The following FILIP1 variants were observed in gnomAD, a reference collection of about 807,000 sequenced individuals.
FILIP1 encodes filamin A interacting protein 1, also known as filamin-A-interacting protein 1.
In FILIP1, 61 loss-of-function variants were observed where a neutral mutation model predicts 102.1. That is an observed-to-expected ratio of 0.60 (90% confidence interval 0.49 to 0.74). FILIP1 has a LOEUF of 0.74. Ranked by LOEUF, FILIP1 falls within the 30% of genes least tolerant of loss-of-function variation. The probability of loss-of-function intolerance (pLI) is 0.00; values close to 1 mark genes in which losing one functional copy is unlikely to be tolerated. For synonymous variants in FILIP1, 491 were observed against 526.9 expected (o/e 0.93, Z 0.93); for missense variants, 1,314 against 1,441.2 (o/e 0.91, Z 1.43).
exon 7 of FILIP1, chr6:75,293,530 A>G (rs935257250): frequency 1.3e-5 from 2 of 152,168 alleles, no homozygotes; most frequent in Non-Finnish European, 2.9e-5. Context: ...TAATCATAGC[A>G]TGGACAGAAA....
chr6:75,358,882 C>G (rs1051693153), intron 3 of FILIP1, among the ~76,000 whole-genome samples: 1 of 151,898 alleles, frequency 6.6e-6, no homozygotes, highest in Non-Finnish European at 1.5e-5. Context: ...ACCACCACTC[C>G]TGGCTAATTT....
At chr6:75,320,576 C>CA (rs935665253) in intron 4 of FILIP1, among the ~76,000 whole-genome samples, 34 of 150,442 alleles carry the variant, frequency 2.3e-4, no homozygotes, top group African/African-American at 2.4e-4. Context: ...GACCCTATCT[C>CA]AAAAAAAAGA....
At chr6:75,382,479 T>TTATC (rs1388240424) in intron 2 of FILIP1, among the ~76,000 whole-genome samples, 1 of 152,196 alleles carries the variant, frequency 6.6e-6, no homozygotes, top group Non-Finnish European at 1.5e-5. Context: ...ACATAATTAA[T>TTATC]TATCTGTAGT....
At chr6:75,326,124 TATAC>T (rs756924575) in intron 4 of FILIP1, among the ~76,000 whole-genome samples, 8 of 139,598 alleles carry the variant, frequency 5.7e-5, no homozygotes, top group Admixed American at 2.1e-4. Context: ...GATAGATAGA[TATAC>T]ACACACACAC....
At chr6:75,310,101 C>T (rs1248275309) in intron 5 of FILIP1, among the ~76,000 whole-genome samples, 1 of 152,150 alleles carries the variant, frequency 6.6e-6, no homozygotes, top group Admixed American at 6.5e-5. Flanking sequence ...CATTTTTTGC[C>T]CCATGCGCAA....
chr6:75,340,833 T>G (rs565644286), intron 4 of FILIP1, among the ~76,000 whole-genome samples: 1 of 149,880 alleles, frequency 6.7e-6, no homozygotes, highest in East Asian at 2.0e-4. Context: ...GTAGCTGGGA[T>G]TATAGGCGCA....
intron 2 of FILIP1, among the ~76,000 whole-genome samples, chr6:75,403,275 A>G (rs767652802): frequency 6.6e-6 from 1 of 152,064 alleles, no homozygotes; most frequent in African/African-American, 2.4e-5. Flanking sequence ...GCACTTTGGG[A>G]GGCTGAGATG....
intron 2 of FILIP1, among the ~76,000 whole-genome samples, chr6:75,382,934 C>A (rs1775952002): frequency 6.6e-6 from 1 of 152,180 alleles, no homozygotes; most frequent in African/African-American, 2.4e-5. Context: ...TATATTTAAA[C>A]CTTTCAGGAG....
chr6:75,387,103 G>A (rs1776122921), intron 2 of FILIP1, among the ~76,000 whole-genome samples: 1 of 152,054 alleles, frequency 6.6e-6, no homozygotes, highest in Non-Finnish European at 1.5e-5. Flanking sequence ...CCACTTATGA[G>A]TGAGAACATG....
chr6:75,427,913 A>G, intron 1 of FILIP1, among the ~76,000 whole-genome samples: 1 of 152,146 alleles, frequency 6.6e-6, no homozygotes, highest in Non-Finnish European at 1.5e-5. Context: ...TATATTCCTC[A>G]CTGTCTTTGT....
At chr6:75,389,818 T>G (rs367918601) in intron 2 of FILIP1, among the ~76,000 whole-genome samples, 61 of 152,066 alleles carry the variant, frequency 4.0e-4, no homozygotes, top group African/African-American at 1.4e-3. Flanking sequence ...TTTTTTCTAA[T>G]CCTATATCTC....
At chr6:75,383,436 T>C (rs1775967232) in intron 2 of FILIP1, among the ~76,000 whole-genome samples, 1 of 152,172 alleles carries the variant, frequency 6.6e-6, no homozygotes, top group Non-Finnish European at 1.5e-5. Context: ...AGTGGTAAAT[T>C]ATCTCTTCAG....
At chr6:75,318,892 CA>C (rs372504070) in intron 4 of FILIP1, among the ~76,000 whole-genome samples, 108 of 143,284 alleles carry the variant, frequency 7.5e-4, no homozygotes, top group African/African-American at 1.2e-3. Flanking sequence ...GTTAACTATA[CA>C]AAAAAAAAAG....
intron 4 of FILIP1, among the ~76,000 whole-genome samples, chr6:75,339,138 G>A (rs548563172): frequency 3.3e-5 from 5 of 152,324 alleles, no homozygotes; most frequent in African/African-American, 1.2e-4. Context: ...AGCACTAGTT[G>A]TTCACTGTCT....
chr6:75,301,709 G>A (rs1772843182), intron 6 of FILIP1, among the ~76,000 whole-genome samples: 1 of 152,176 alleles, frequency 6.6e-6, no homozygotes, highest in African/African-American at 2.4e-5. Context: ...GAGAATGCCA[G>A]AATCATAAAA....
intron 6 of FILIP1, among the ~76,000 whole-genome samples, chr6:75,300,320 A>G (rs1446216810): frequency 6.6e-6 from 1 of 152,198 alleles, no homozygotes; most frequent in African/African-American, 2.4e-5. Context: ...TGGATTTTGC[A>G]TCAATTTGCC....
intron 2 of FILIP1, chr6:75,397,968 G>A (rs1776523784): frequency 6.6e-6 from 1 of 152,186 alleles, no homozygotes; most frequent in Non-Finnish European, 1.5e-5. Context: ...TAACATCAGA[G>A]TAAGTGTTCT....
intron 1 of FILIP1, among the ~76,000 whole-genome samples, chr6:75,459,249 C>G (rs1380525320): frequency 6.6e-6 from 1 of 152,102 alleles, no homozygotes; most frequent in Non-Finnish European, 1.5e-5. Flanking sequence ...CCTGCCACTG[C>G]TTACTGAAAT....
intron 1 of FILIP1, among the ~76,000 whole-genome samples, chr6:75,443,155 A>G (rs888309987): frequency 4.6e-5 from 7 of 152,246 alleles, no homozygotes; most frequent in African/African-American, 1.4e-4. Context: ...TGGAACATCT[A>G]TTAAACAAAA....
Sources: gnomAD v4.1 joint callset for allele counts (sites outside exome capture counted in the v4.1 genomes callset) on GRCh38, gnomAD v4.1.1 for gene constraint, MANE v1.5 for transcripts, NCBI Gene and HGNC (gene_info 2026-07-23, HGNC 2026-07-21) for gene names.